Variants in TMEM95 observed in about 807,000 individuals in gnomAD.
TMEM95 encodes sperm-egg fusion protein TMEM95.
Under a neutral mutation model 27.7 loss-of-function variants are expected in TMEM95, and 21 were observed. The observed-to-expected ratio is 0.76, with a 90% confidence interval of 0.54 to 1.09. The LOEUF (loss-of-function observed/expected upper bound fraction) is 1.09, where lower values mean the gene tolerates loss of function less well. TMEM95 is among the 50% of genes least tolerant of loss of function. TMEM95 has a pLI of 0.00. For synonymous variants in TMEM95, 77 were observed against 85.7 expected (o/e 0.90, Z 0.56); for missense variants, 203 against 217.9 (o/e 0.93, Z 0.43).
chr17:7,355,287 C>T lies in TMEM95; in HGVS notation c.83C>T (p.Ser28Leu). ...TGTCGCCTCCCAGCCCACGACTTGT[C>T]AGGCCGCCTGGCTCGGCTCTGCAGC... Reference protein sequence around the residue: ...VFCRLPAHDLSGRLARLCSQM... With the variant: ...VFCRLPAHDLLGRLARLCSQM... The change falls in exon 1 of 7, where the codon TCA becomes TTA. Residue 28 changes from serine to leucine, a missense_variant. Transcript: ENST00000576060. The surrounding 1 kb of genome is among the most constrained non-coding windows in gnomAD (Gnocchi z 4.9). The T allele has an allele frequency of 6.2e-7, 1 of 1,614,086 alleles. No individual in the cohort carries two copies. The highest frequency in any genetic ancestry group is 1.1e-5 in the South Asian group (1 of 91,084).
chr17:7,356,649 C>G lies in TMEM95; in HGVS notation c.*17C>G. On this transcript the variant is annotated 3_prime_UTR_variant, in exon 7 of 7. Coordinates refer to ENST00000576060, the MANE Select transcript of TMEM95 (RefSeq NM_001320436.2). ...GGCTTGTGAAGACGCTGAAAACCTC[C>G]CAGCCTCCAGCTCTAAGGGGTATGC... 1 of 1,612,540 alleles carries G rather than the reference C, an allele frequency of 6.2e-7. No homozygotes were observed. Among genetic ancestry groups the G allele is most frequent in the Non-Finnish European group, 8.5e-7 (1 of 1,179,164 alleles).
Position 7,356,042 on chromosome 17 carries a change from C to G in TMEM95, c.321C>G (p.Pro107=), listed in dbSNP as rs772773129. 1.2e-6 allele frequency: 2 copies of G among 1,613,912 alleles called. No homozygotes were observed. The highest frequency in any genetic ancestry group is 1.7e-6 in the Non-Finnish European group (2 of 1,179,976). The change falls in exon 4 of 7, where the codon CCC becomes CCG. Residue 107 remains proline, a synonymous_variant. Coordinates refer to ENST00000576060, the MANE Select transcript of TMEM95 (RefSeq NM_001320436.2). ...PEYTREALCP[P]ACRGSTTLYN... Reference sequence around the variant, plus strand: ...CTTTCATTTCAGCTCTCTGTCCCCCCGCCTGCCGTGAGTAGGAAAGGAAAG... The same window carrying G: ...CTTTCATTTCAGCTCTCTGTCCCCCGGCCTGCCGTGAGTAGGAAAGGAAAG...
At position 7,356,237 on chromosome 17, in the gene TMEM95, A is replaced by C. The variant is rs558278609; in HGVS notation, c.370A>C (p.Thr124Pro). Residue 124 changes from threonine (T) to proline (P), a missense_variant, in exon 5 of 7, where the codon ACG becomes CCG. Transcript: ENST00000576060. ...GTACAACTGCTCCACCTGCAAGGGG[A>C]CGGAGGTGTCCTGCTGGCCCCGAAA... ...TLYNCSTCKG[T>P]EVSCWPRKRC... is the part of the protein sequence containing the mutation. 7 of 1,567,996 alleles carry C rather than the reference A, an allele frequency of 4.5e-6. No homozygotes were observed. Among genetic ancestry groups the C allele is most frequent in the Non-Finnish European group, 6.0e-6 (7 of 1,158,186 alleles).
In TMEM95 at chr17:7,355,208, T is replaced by G. The variant is rs2073467063; in HGVS notation, c.4T>G (p.Trp2Gly). Residue 2 changes from tryptophan to glycine, a missense_variant, in exon 1 of 7, where the codon TGG becomes GGG. Trp to Gly is a radical substitution (Grantham distance 184). Coordinates refer to ENST00000576060, the MANE Select transcript of TMEM95 (RefSeq NM_001320436.2). The surrounding 1 kb of genome is among the most constrained non-coding windows in gnomAD (Gnocchi z 4.9). Reference protein sequence around the residue: MWRLALGGVFLA... With the variant: MGRLALGGVFLA... ...GCCCCATCCCCCAGTGGTCCTCATG[T>G]GGAGGCTGGCACTAGGCGGGGTTTT... 6.2e-7 allele frequency: 1 copy of G among 1,612,714 alleles called. No individual in the cohort carries two copies. The highest frequency in any genetic ancestry group is 1.3e-5 in the African/African-American group (1 of 75,000).
Position 7,355,707 on chromosome 17 carries a change from A to C in TMEM95, c.226+65A>C. The stretch of plus-strand genomic sequence containing the variant: ...GATACCAAGGAGAGGGACGGGTGAC[A>C]GGGGTTGGGGTGGGCAGGGAAGGGT... On this transcript the variant is annotated intron_variant, in intron 2 of 6. Coordinates refer to ENST00000576060, the MANE Select transcript of TMEM95 (RefSeq NM_001320436.2). This position sits in a 1 kb window ranked among gnomAD's most constrained non-coding sequence, Gnocchi z 4.9. The C allele has an allele frequency of 6.7e-6, 4 of 595,066 alleles. No homozygotes were observed. The highest frequency in any genetic ancestry group is 8.7e-6 in the Non-Finnish European group (3 of 343,864). The allele number at this position is 595,066 out of a possible 1,614,324, so 36.9% of individuals were successfully genotyped here.
chr17:7,356,880 T>G lies in TMEM95; in HGVS notation c.*248T>G. On this transcript the variant is annotated 3_prime_UTR_variant, in exon 7 of 7. Transcript: ENST00000576060. The stretch of plus-strand genomic sequence containing the variant: ...AACCCAGGCACCCACAGCTGGAAAG[T>G]TCCTCCCCTCCAGCCCTCAACCAAT... 1 of 528,696 alleles carries G rather than the reference T, an allele frequency of 1.9e-6. No homozygotes were observed. Among genetic ancestry groups the G allele is most frequent in the East Asian group, 3.1e-5 (1 of 32,352 alleles). 32.8% of individuals were successfully genotyped at this position (528,696 alleles called of 1,614,324 possible). A position where few individuals can be genotyped will look rare whatever the true frequency, so the allele number is the denominator to read the frequency against.
In TMEM95 at chr17:7,355,241, G is replaced by A. The variant is rs764820432; in HGVS notation, c.37G>A (p.Ala13Thr). 2 of 1,613,810 alleles carry A rather than the reference G, an allele frequency of 1.2e-6. No individual in the cohort carries two copies. The highest frequency in any genetic ancestry group is 1.7e-6 in the Non-Finnish European group (2 of 1,179,896). ...GGCACTAGGCGGGGTTTTCCTGGCAGCCGCCCAGGCTTGTGTCTTCTGTCG... is the reference window on the plus strand; with the variant it reads ...GGCACTAGGCGGGGTTTTCCTGGCAACCGCCCAGGCTTGTGTCTTCTGTCG... ...RLALGGVFLA[A>T]AQACVFCRLP... Residue 13 changes from alanine to threonine, a missense_variant, in exon 1 of 7, where the codon GCC becomes ACC. By Grantham distance (58) the Ala-to-Thr change is moderately conservative (BLOSUM62 0). Transcript: ENST00000576060. The surrounding 1 kb of genome is among the most constrained non-coding windows in gnomAD (Gnocchi z 4.9).
rs139214770 is a variant in TMEM95, at chr17:7,355,850, C to T, written c.239C>T (p.Ala80Val). The T allele has an allele frequency of 1.3e-4, 204 of 1,613,872 alleles. No individual in the cohort carries two copies. The highest frequency in any genetic ancestry group is 3.8e-4 in the Admixed American group (23 of 59,982). ...RVLRVMEIKEAVSSLPSYWSW... is the reference protein window; with the variant it reads ...RVLRVMEIKEVVSSLPSYWSW... ...TCTGCCTCCCCAGAAATCAAAGAGG[C>T]TGTCTCCTCACTCCCTTCATATTGG... is the stretch of plus-strand genomic sequence containing the variant. Residue 80 changes from alanine to valine, a missense_variant, in exon 3 of 7, where the codon GCT becomes GTT. By Grantham distance (64) the Ala-to-Val change is moderately conservative. Transcript: ENST00000576060. The surrounding 1 kb of genome is among the most constrained non-coding windows in gnomAD (Gnocchi z 4.9).
intron 5 of TMEM95, 53 bp from the exon 6 acceptor site, chr17:7,356,339 A>G (rs1176969540): frequency 3.7e-6 from 6 of 1,608,008 alleles, no homozygotes; most frequent in African/African-American, 1.3e-5. Flanking sequence ...TGGGCTCCCA[A>G]GTCGGTGCGT....
Position 7,356,759 on chromosome 17 carries a change from A to C in TMEM95, c.*127A>C. The C allele has an allele frequency of 1.0e-6, 1 of 984,122 alleles. No homozygotes were observed. The highest frequency in any genetic ancestry group is 1.5e-6 in the Non-Finnish European group (1 of 661,878). 61.0% of individuals were successfully genotyped at this position (984,122 alleles called of 1,614,324 possible). ...AGACAGTCTCCAGACCCTAAAACCCAGACATCCCTGCTTCTGGTTGGTGAG... is the reference window on the plus strand; with the variant it reads ...AGACAGTCTCCAGACCCTAAAACCCCGACATCCCTGCTTCTGGTTGGTGAG... On this transcript the variant is annotated 3_prime_UTR_variant, in exon 7 of 7. Coordinates refer to ENST00000576060, the MANE Select transcript of TMEM95 (RefSeq NM_001320436.2).
Position 7,356,580 on chromosome 17 carries a change from C to T in TMEM95, c.498-19C>T. 6.2e-7 allele frequency: 1 copy of T among 1,611,208 alleles called. No homozygotes were observed. The highest frequency in any genetic ancestry group is 8.5e-7 in the Non-Finnish European group (1 of 1,178,416). On this transcript the variant is annotated intron_variant, in intron 6 of 6. Coordinates refer to ENST00000576060, the MANE Select transcript of TMEM95 (RefSeq NM_001320436.2). ...TCCCAGGCCCCTCCCGTAGGCTTCC[C>T]ACCCTCGTCTTCCCTCAGGTCCCAC...
chr17:7,355,962 C>T lies in TMEM95; in HGVS notation c.307+44C>T, dbSNP rs187082657. ...CCTCAAGGGGAGCCTAGGGTCTTAACCAAAGGAATGTGTGGTGAGCAGCTC... is the reference window on the plus strand; with the variant it reads ...CCTCAAGGGGAGCCTAGGGTCTTAATCAAAGGAATGTGTGGTGAGCAGCTC... On this transcript the variant is annotated intron_variant, in intron 3 of 6. Transcript: ENST00000576060. The surrounding 1 kb of genome is among the most constrained non-coding windows in gnomAD (Gnocchi z 4.9). 27 of 1,613,734 alleles carry T rather than the reference C, an allele frequency of 1.7e-5. No homozygotes were observed. The African/African-American group carries it at 2.9e-4, about 18-fold the overall frequency.
In TMEM95 at chr17:7,355,715, G is replaced by A; in HGVS notation, c.226+73G>A. 6.8e-7 allele frequency: 1 copy of A among 1,480,804 alleles called. No homozygotes were observed. Among genetic ancestry groups the A allele is most frequent in the Non-Finnish European group, 9.4e-7 (1 of 1,064,712 alleles). The allele number at this position is 1,480,804 out of a possible 1,614,324, so 91.7% of individuals were successfully genotyped here. Reference sequence around the variant, plus strand: ...GGAGAGGGACGGGTGACAGGGGTTGGGGTGGGCAGGGAAGGGTGGAGGGGT... The same window carrying A: ...GGAGAGGGACGGGTGACAGGGGTTGAGGTGGGCAGGGAAGGGTGGAGGGGT... On this transcript the variant is annotated intron_variant, in intron 2 of 6. Transcript: ENST00000576060. The surrounding 1 kb of genome is among the most constrained non-coding windows in gnomAD (Gnocchi z 4.9).
In TMEM95 at chr17:7,356,390, A is replaced by C. The variant is rs1354240323; in HGVS notation, c.410-2A>C. On this transcript the variant is annotated splice_acceptor_variant, in intron 5 of 6. Coordinates refer to ENST00000576060, the MANE Select transcript of TMEM95 (RefSeq NM_001320436.2). LOFTEE classifies it high-confidence loss of function. ...ATTCACTGCCTCCTGGGTTCCCTGC[A>C]GGAAGTCAGGATCTTTGGGAAGCCA... 1 of 1,613,732 alleles carries C rather than the reference A, an allele frequency of 6.2e-7. No individual in the cohort carries two copies. Among genetic ancestry groups the C allele is most frequent in the South Asian group, 1.1e-5 (1 of 91,080 alleles).
chr17:7,355,534 C>T lies in TMEM95; in HGVS notation c.170-52C>T. The T allele has an allele frequency of 3.2e-6, 5 of 1,544,674 alleles. No homozygotes were observed. Among genetic ancestry groups the T allele is most frequent in the Middle Eastern group, 3.4e-4 (2 of 5,968 alleles). ...CCATATCTGGGAAAGTCAGGAGAGA[C>T]CCCAGAACCTGGGCTGATGAGGGAA... On this transcript the variant is annotated intron_variant, in intron 1 of 6. Transcript: ENST00000576060. The surrounding 1 kb of genome is among the most constrained non-coding windows in gnomAD (Gnocchi z 4.9).
chr17:7,355,781 AG>A lies in TMEM95; in HGVS notation c.227-52del. The A allele has an allele frequency of 2.5e-6, 4 of 1,585,772 alleles. No homozygotes were observed. The South Asian group carries it at 3.3e-5, about 13-fold the overall frequency. ...GATCAGGGAGGGGCTGCGTGAAGAG[AG>A]GGGGAACTGGCCCCGTCGAGGCCCA... On this transcript the variant is annotated intron_variant, in intron 2 of 6. Coordinates refer to ENST00000576060, the MANE Select transcript of TMEM95 (RefSeq NM_001320436.2). The surrounding 1 kb of genome is among the most constrained non-coding windows in gnomAD (Gnocchi z 4.9).
intron 6 of TMEM95, 26 bp from the exon 7 acceptor site, chr17:7,356,573 G>A (rs1450187805): frequency 1.9e-6 from 3 of 1,610,650 alleles, no homozygotes; most frequent in Non-Finnish European, 2.5e-6. Context: ...CCCTCCCGTA[G>A]GCTTCCCACC....
intron 5 of TMEM95, 23 bp downstream of exon 5, chr17:7,356,299 C>G (rs763637493): frequency 6.3e-7 from 1 of 1,592,712 alleles, no homozygotes; most frequent in East Asian, 2.2e-5. Context: ...ATCTTGGCCC[C>G]GCCCCACCTT....
rs747656814 is a variant in TMEM95, at chr17:7,356,133, G to C, written c.329-63G>C. 7.5e-6 allele frequency: 12 copies of C among 1,605,466 alleles called. No individual in the cohort carries two copies. The African/African-American group carries it at 8.0e-5, about 11-fold the overall frequency. The stretch of plus-strand genomic sequence containing the variant: ...GCCTGGCAGCTGCAGGAGGAAGCTG[G>C]GTACCAGGCAGGGTGGAGGCCCGGC... On this transcript the variant is annotated intron_variant, in intron 4 of 6. Transcript: ENST00000576060.
Sources: gnomAD v4.1 joint callset for allele counts on GRCh38, gnomAD v4.1.1 for gene constraint, Gnocchi (gnomAD v3.1) non-coding constraint, MANE v1.5 for transcripts, NCBI Gene and HGNC (gene_info 2026-07-23, HGNC 2026-07-21) for gene names.